Variants in PDE4DIP observed in about 807,000 individuals in gnomAD.
PDE4DIP encodes the protein myomegalin.
Under a neutral mutation model 221.4 loss-of-function variants are expected in PDE4DIP, and 59 were observed. That is an observed-to-expected ratio of 0.27 (90% CI 0.22 to 0.33). The LOEUF (loss-of-function observed/expected upper bound fraction) is 0.33. PDE4DIP is among the 10% of genes least tolerant of loss of function. The probability of loss-of-function intolerance (pLI) is 1.00; values close to 1 mark genes in which losing one functional copy is unlikely to be tolerated. For synonymous variants in PDE4DIP, 404 were observed against 815.9 expected (o/e 0.50, Z 8.60); for missense variants, 1,036 against 2,154.2 (o/e 0.48, Z 10.28).
intron 37 of PDE4DIP, among the ~76,000 whole-genome samples, chr1:149,022,135 T>C (rs2073180446): frequency 6.8e-6 from 1 of 146,858 alleles, no homozygotes; most frequent in Non-Finnish European, 1.5e-5. Flanking sequence ...ACAAGTAAGG[T>C]GTAGGACAAA....
intron 37 of PDE4DIP, among the ~76,000 whole-genome samples, chr1:149,022,457 G>C (rs1474846110): frequency 6.6e-6 from 1 of 152,134 alleles, no homozygotes; most frequent in Admixed American, 6.6e-5. Flanking sequence ...GCTAAACAAA[G>C]AGTGAAGGGC....
At chr1:148,862,332 AAGCATGGGCTTG>A (rs1424421487) in intron 1 of PDE4DIP, among the ~76,000 whole-genome samples, 2 of 146,190 alleles carry the variant, frequency 1.4e-5, no homozygotes, top group Non-Finnish European at 3.0e-5. Context: ...AGCACTTGTC[AAGCATGGGCTTG>A]AGAAGTATTT....
intron 11 of PDE4DIP, 25 bp downstream of exon 14, chr1:148,966,681 A>G (rs1553518872): frequency 2.2e-6 from 2 of 920,060 alleles, no homozygotes; most frequent in Non-Finnish European, 3.6e-6. Context: ...TTCGCCCACT[A>G]TGCTATGGAT....
At chr1:148,819,916 C>CTTTTT (rs10699564) in intron 1 of PDE4DIP, among the ~76,000 whole-genome samples, 14 of 34,804 alleles carry the variant, frequency 4.0e-4, no homozygotes, top group African/African-American at 6.1e-4. Flanking sequence ...CTGTTTATAT[C>CTTTTT]TTTTTTTTTT....
intron 23 of PDE4DIP, among the ~76,000 whole-genome samples, chr1:149,000,779 C>T (rs2065464390): frequency 1.3e-5 from 2 of 151,326 alleles, no homozygotes; most frequent in Middle Eastern, 3.4e-3. Context: ...CATCTGCTAA[C>T]TCTACTAGGT....
intron 1 of PDE4DIP, among the ~76,000 whole-genome samples, chr1:148,824,247 G>T (rs1299863976): frequency 6.8e-6 from 1 of 147,244 alleles, no homozygotes; most frequent in Non-Finnish European, 1.5e-5. Flanking sequence ...CTCGACAGGG[G>T]CTGAAAGGTC....
intron 23 of PDE4DIP, among the ~76,000 whole-genome samples, chr1:149,000,084 C>A: frequency 6.6e-6 from 1 of 152,076 alleles, no homozygotes; most frequent in East Asian, 1.9e-4. Context: ...TTGTCTGTAT[C>A]CTATGTCCTA....
At chr1:148,947,899 G>A (rs1341919851) in intron 5 of PDE4DIP, among the ~76,000 whole-genome samples, 2 of 151,120 alleles carry the variant, frequency 1.3e-5, no homozygotes, top group Non-Finnish European at 2.9e-5. Flanking sequence ...CCAGATAGCA[G>A]CATCAACATG....
chr1:148,986,934 C>T (rs1457808941), intron 21 of PDE4DIP, among the ~76,000 whole-genome samples: 1 of 152,162 alleles, frequency 6.6e-6, no homozygotes, highest in Non-Finnish European at 1.5e-5. Context: ...GTCATATCTC[C>T]TGGTCTGCCT....
intron 5 of PDE4DIP, among the ~76,000 whole-genome samples, chr1:148,949,966 C>T (rs1399197506): frequency 6.6e-6 from 1 of 150,764 alleles, no homozygotes; most frequent in African/African-American, 2.4e-5. Flanking sequence ...TCTTCAATGG[C>T]AAATTGCCTT....
chr1:148,952,019 G>T (rs1388532130), intron 5 of PDE4DIP: 1 of 1,001,702 alleles, frequency 1.0e-6, no homozygotes, highest in African/African-American at 1.7e-5. Context: ...TAGCGGCGCT[G>T]CCCCGCTGGC....
chr1:148,912,233 C>G (rs1167230711), intron 1 of PDE4DIP, among the ~76,000 whole-genome samples: 3 of 146,152 alleles, frequency 2.1e-5, no homozygotes, highest in African/African-American at 5.2e-5. Context: ...TAAAAGCATC[C>G]TAGACTGGTA....
At chr1:148,874,929 G>GA (rs1238237788) in intron 3 of PDE4DIP, among the ~76,000 whole-genome samples, 1 of 150,030 alleles carries the variant, frequency 6.7e-6, no homozygotes, top group African/African-American at 2.5e-5. Flanking sequence ...TCTTTGGGGA[G>GA]AAAAAAGGAA....
intron 1 of PDE4DIP, among the ~76,000 whole-genome samples, chr1:148,927,468 A>T (rs1197428646): frequency 1.3e-5 from 2 of 152,122 alleles, no homozygotes; most frequent in East Asian, 1.9e-4. Flanking sequence ...CCCAATTAGT[A>T]TTTGTGTTTC....
chr1:149,028,624 A>G (rs1553632527), exon 41 of PDE4DIP: 1 of 1,605,814 alleles, frequency 6.2e-7, no homozygotes, highest in East Asian at 2.3e-5. Flanking sequence ...CATGCCCTAG[A>G]GGAGTCAGCT....
chr1:148,992,333 A>C (rs1553560702), intron 22 of PDE4DIP: 45 of 1,588,090 alleles, frequency 2.8e-5, no homozygotes, highest in Non-Finnish European at 6.0e-6. Flanking sequence ...AACGCACCAC[A>C]GAAGACAGGG....
At position 149,021,187 on chromosome 1, in the gene PDE4DIP, T is replaced by C. The variant is rs782388221; in HGVS notation, c.6085+34T>C. 1.3e-5 allele frequency: 9 copies of C among 682,546 alleles called. No homozygotes were observed. In the East Asian group the frequency reaches 2.3e-4, roughly 17 times the overall value. The allele number at this position is 682,546 out of a possible 1,614,324, so 42.3% of individuals were successfully genotyped here. A position where few individuals can be genotyped will look rare whatever the true frequency, so the allele number is the denominator to read the frequency against. ...TCTTCTCCCCTCACCCCATGAGCTT[T>C]TTGCCCTTGCATAGGATGCTAGTGA... On this transcript the variant is annotated intron_variant, in intron 37 of 43. Coordinates refer to ENST00000369354, the Ensembl canonical transcript of PDE4DIP.
chr1:148,838,687 A>G (rs4649509), intron 1 of PDE4DIP, among the ~76,000 whole-genome samples: 27,116 of 122,220 alleles, frequency 0.22, 3,832 homozygotes, highest in East Asian at 0.51. Flanking sequence ...TCAATATCTT[A>G]TAATAATGTG....
At chr1:148,892,695 C>A (rs1335601571) in intron 1 of PDE4DIP, among the ~76,000 whole-genome samples, 1 of 118,500 alleles carries the variant, frequency 8.4e-6, no homozygotes, top group Non-Finnish European at 1.7e-5. Flanking sequence ...TTTGTTCAAT[C>A]TGCCTGTCAT....
Sources: gnomAD v4.1 joint callset for allele counts (sites outside exome capture counted in the v4.1 genomes callset) on GRCh38, gnomAD v4.1.1 for gene constraint, MANE v1.5 for transcripts, NCBI Gene and HGNC (gene_info 2026-07-23, HGNC 2026-07-21) for gene names.